The following EXTL1 variants were observed in gnomAD, a reference collection of about 807,000 sequenced individuals.
The protein encoded by EXTL1 is exostosin-like 1.
EXTL1 carries 43 observed loss-of-function variants against 64.6 expected under a neutral mutation model. The ratio of observed to expected loss-of-function variants is 0.67; its 90% CI spans 0.52 to 0.86. EXTL1 has a LOEUF of 0.86. Among genes scored for constraint, EXTL1 ranks in the 40% least tolerant of loss-of-function variants. EXTL1 has a pLI of 0.00. For missense variants in EXTL1, 766 were observed against 879.0 expected (o/e 0.87, Z 1.62); for synonymous variants, 352 against 360.5 (o/e 0.98, Z 0.27).
chr1:26,024,543 C>T (rs1278962196), intron 1 of EXTL1, among the ~76,000 whole-genome samples: 1 of 152,124 alleles, frequency 6.6e-6, no homozygotes, highest in Non-Finnish European at 1.5e-5. Context: ...TGGGATCCTT[C>T]CACTTCCTGA....
In EXTL1 at chr1:26,031,457, C is replaced by T. The variant is rs2050285300; in HGVS notation, c.1235-3C>T. The T allele has an allele frequency of 5.2e-6, 8 of 1,546,990 alleles. No individual in the cohort carries two copies. The highest frequency in any genetic ancestry group is 2.7e-5 in the African/African-American group (2 of 73,360). On this transcript the variant is annotated splice_region_variant and splice_polypyrimidine_tract_variant and intron_variant, in intron 5 of 10. Coordinates refer to ENST00000374280, the MANE Select transcript of EXTL1 (RefSeq NM_004455.3). ...TCTAATAGCCTGTGTCTCATTCCCC[C>T]AGGCTCCCGCCCTGAGGGCAGATTC...
At chr1:26,030,025 G>A (rs2050265178) in intron 3 of EXTL1, among the ~76,000 whole-genome samples, 1 of 152,156 alleles carries the variant, frequency 6.6e-6, no homozygotes. Flanking sequence ...CCAATTTAGG[G>A]GAAGGCTACA....
intron 1 of EXTL1, among the ~76,000 whole-genome samples, chr1:26,026,938 C>A (rs3008208): frequency 0.86 from 130,527 of 152,164 alleles, 56,261 homozygotes; most frequent in Non-Finnish European, 0.89. Context: ...CTACTTATTT[C>A]CCTTTACTGA....
At chr1:26,024,254 AGCCTCTAAAG>A (rs1392446200) in intron 1 of EXTL1, among the ~76,000 whole-genome samples, 2 of 152,164 alleles carry the variant, frequency 1.3e-5, no homozygotes, top group South Asian at 4.1e-4. Context: ...GCAGGCCAGC[AGCCTCTAAAG>A]GCTAGCTGGG....
Position 26,034,717 on chromosome 1 carries a change from G to A in EXTL1, c.1680-119G>A. On this transcript the variant is annotated intron_variant, in intron 9 of 10. Transcript: ENST00000374280. This position sits in a 1 kb window ranked among gnomAD's most constrained non-coding sequence, Gnocchi z 4.6. Reference sequence around the variant, plus strand: ...CCAGGGATGGGAGCTCTCTGAGGCAGCCAGGGCTCAGAGGCTTGGGGATGG... The same window carrying A: ...CCAGGGATGGGAGCTCTCTGAGGCAACCAGGGCTCAGAGGCTTGGGGATGG... The A allele has an allele frequency of 9.9e-7, 1 of 1,012,286 alleles. No individual in the cohort carries two copies. Among genetic ancestry groups the A allele is most frequent in the Non-Finnish European group, 1.5e-6 (1 of 675,424 alleles). 62.7% of individuals were successfully genotyped at this position (1,012,286 alleles called of 1,614,324 possible).
rs1203640626 is a variant in EXTL1 at position 26,022,314 on chromosome 1, C to T, written c.-333C>T. The T allele has an allele frequency of 7.5e-6, 2 of 267,510 alleles. No homozygotes were observed. Among genetic ancestry groups the T allele is most frequent in the South Asian group, 9.3e-5 (1 of 10,806 alleles). 16.6% of individuals were successfully genotyped at this position (267,510 alleles called of 1,614,324 possible). Reference sequence around the variant, plus strand: ...GGCCCTGCATTCTGGACAGGGGTTGCGTCAGCCAGAGCAGTGCCCAGGGGC... The same window carrying T: ...GGCCCTGCATTCTGGACAGGGGTTGTGTCAGCCAGAGCAGTGCCCAGGGGC... On this transcript the variant is annotated 5_prime_UTR_variant, in exon 1 of 11. Transcript: ENST00000374280.
Position 26,031,580 on chromosome 1 carries a change from C to T in EXTL1, c.1341+14C>T, listed in dbSNP as rs780257328. 6.7e-7 allele frequency: 1 copy of T among 1,500,994 alleles called. No individual in the cohort carries two copies. The highest frequency in any genetic ancestry group is 9.0e-7 in the Non-Finnish European group (1 of 1,106,656). The allele number at this position is 1,500,994 out of a possible 1,614,324, so 93.0% of individuals were successfully genotyped here. Reference sequence around the variant, plus strand: ...CACTGTGCCCAGGTCTGCCCCCTTCCCAGCTGGAGTCCTGGGATCCAGGGT... The same window carrying T: ...CACTGTGCCCAGGTCTGCCCCCTTCTCAGCTGGAGTCCTGGGATCCAGGGT... On this transcript the variant is annotated intron_variant, in intron 6 of 10. Coordinates refer to ENST00000374280, the MANE Select transcript of EXTL1 (RefSeq NM_004455.3).
At position 26,035,246 on chromosome 1, in the gene EXTL1, C is replaced by T; in HGVS notation, c.1930C>T (p.His644Tyr). The change falls in exon 11 of 11, where the codon CAC becomes TAC. Residue 644 changes from histidine to tyrosine, a missense_variant. By Grantham distance (83) the His-to-Tyr change is moderately conservative (BLOSUM62 2). Transcript: ENST00000374280. The surrounding 1 kb of genome is among the most constrained non-coding windows in gnomAD (Gnocchi z 5.3). ...CAACCAGATAGCGGCAGCGTTCGGC[C>T]ACATGCCCTTGCTGTCCTCTCGTCT... ...CINQIAAAFG[H>Y]MPLLSSRLRL... The T allele has an allele frequency of 6.2e-7, 1 of 1,613,676 alleles. No individual in the cohort carries two copies. Among genetic ancestry groups the T allele is most frequent in the Non-Finnish European group, 8.5e-7 (1 of 1,179,936 alleles).
Position 26,035,504 on chromosome 1 carries a change from G to T in EXTL1, c.*157G>T. 1 of 602,576 alleles carries T rather than the reference G, an allele frequency of 1.7e-6. No individual in the cohort carries two copies. The highest frequency in any genetic ancestry group is 2.8e-6 in the Non-Finnish European group (1 of 357,200). 37.3% of individuals were successfully genotyped at this position (602,576 alleles called of 1,614,324 possible). On this transcript the variant is annotated 3_prime_UTR_variant, in exon 11 of 11. Transcript: ENST00000374280. This position sits in a 1 kb window ranked among gnomAD's most constrained non-coding sequence, Gnocchi z 5.3. Reference sequence around the variant, plus strand: ...CCGGTTGGCCAATCACAACAGGGGGGCGTGGCCTTACCTTCTCCTGCTCGC... The same window carrying T: ...CCGGTTGGCCAATCACAACAGGGGGTCGTGGCCTTACCTTCTCCTGCTCGC...
Position 26,033,246 on chromosome 1 carries a change from C to G in EXTL1, c.1449C>G (p.Tyr483Ter). 6.2e-7 allele frequency: 1 copy of G among 1,613,688 alleles called. No individual in the cohort carries two copies. The highest frequency in any genetic ancestry group is 8.5e-7 in the Non-Finnish European group (1 of 1,179,632). The stretch of plus-strand genomic sequence containing the variant: ...CCCTGCAGGTTAGTGATCGCTTCTA[C>G]CCATATAGCACCATCAGAACAGATG... ...DGHRKVSDRFYPYSTIRTDAI... is the reference protein window; with the variant it reads ...DGHRKVSDRF Residue 483 changes from tyrosine to a stop codon, truncating the protein, a stop_gained, in exon 8 of 11, where the codon TAC (tyrosine) becomes TAG (stop). Coordinates refer to ENST00000374280, the MANE Select transcript of EXTL1 (RefSeq NM_004455.3). LOFTEE classifies it high-confidence loss of function. This position sits in a 1 kb window ranked among gnomAD's most constrained non-coding sequence, Gnocchi z 5.1.
chr1:26,034,972 T>G lies in EXTL1; in HGVS notation c.1816T>G (p.Tyr606Asp). Reference protein sequence around the residue: ...VTKLPPIKVPYGKQRQEAAPL... With the variant: ...VTKLPPIKVPDGKQRQEAAPL... ...CAAGCTGCCCCCTATCAAGGTGCCC[T>G]ATGGCAAGCAGCGCCAGGAGGCTGC... Residue 606 changes from tyrosine to aspartate, a missense_variant, in exon 10 of 11, where the codon TAT becomes GAT. This residue lies in a region of EXTL1 where 194 missense variants were observed against 214.5 expected (regional missense o/e 0.90). Transcript: ENST00000374280. The surrounding 1 kb of genome is among the most constrained non-coding windows in gnomAD (Gnocchi z 4.6). The G allele has an allele frequency of 6.2e-7, 1 of 1,614,174 alleles. No individual in the cohort carries two copies. Among genetic ancestry groups the G allele is most frequent in the Non-Finnish European group, 8.5e-7 (1 of 1,180,024 alleles).
chr1:26,030,348 TTTG>T, intron 3 of EXTL1, 125 bp from the exon 4 acceptor site: 15 of 652,810 alleles, frequency 2.3e-5, no homozygotes, highest in South Asian at 1.4e-4. Context: ...TTTTTTTTTT[TTTG>T]AGATAGGATC....
At position 26,022,729 on chromosome 1, in the gene EXTL1, C is replaced by T. The variant is rs138085133; in HGVS notation, c.83C>T (p.Ser28Phe). Residue 28 changes from serine (S) to phenylalanine (F), a missense_variant, in exon 1 of 11, where the codon TCC becomes TTC. By Grantham distance (155) the Ser-to-Phe change is radical (BLOSUM62 -2). This residue lies in a region of EXTL1 where 571 missense variants were observed against 647.6 expected (regional missense o/e 0.88). Coordinates refer to ENST00000374280, the MANE Select transcript of EXTL1 (RefSeq NM_004455.3). ...WLLLVLLGGF[S>F]LLRLALPPRP... ...CTGCTTGTCCTGCTGGGAGGCTTCT[C>T]CCTTCTCCGCCTGGCATTGCCTCCC... The T allele has an allele frequency of 6.2e-7, 1 of 1,614,036 alleles. No individual in the cohort carries two copies. Among genetic ancestry groups the T allele is most frequent in the Admixed American group, 1.7e-5 (1 of 60,018 alleles).
At chr1:26,029,070 TAC>T in intron 1 of EXTL1, 121 bp from the exon 2 acceptor site, 1 of 644,304 alleles carries the variant, frequency 1.6e-6, no homozygotes, top group Non-Finnish European at 2.8e-6. Context: ...TGAGTGGGTT[TAC>T]ACATTTGGGA....
chr1:26,029,719 C>T lies in EXTL1; in HGVS notation c.981+12C>T, dbSNP rs1219071473. ...GGCTCCCACTTCAGGTAGCTCAGAGCCCTGCCCACAGGGTGGGAACTGGAC... is the reference window on the plus strand; with the variant it reads ...GGCTCCCACTTCAGGTAGCTCAGAGTCCTGCCCACAGGGTGGGAACTGGAC... On this transcript the variant is annotated intron_variant, in intron 3 of 10. Transcript: ENST00000374280. The T allele has an allele frequency of 1.4e-5, 22 of 1,575,406 alleles. No individual in the cohort carries two copies. The highest frequency in any genetic ancestry group is 1.8e-5 in the Non-Finnish European group (21 of 1,147,728).
At position 26,030,415 on chromosome 1, in the gene EXTL1, G is replaced by A. The variant is rs140771703; in HGVS notation, c.982-61G>A. ...TGGCACGAATATGGCTCACTGCAGC[G>A]TCGACCTCCTGGGCTCAAAATTGCT... On this transcript the variant is annotated intron_variant, in intron 3 of 10. Coordinates refer to ENST00000374280, the MANE Select transcript of EXTL1 (RefSeq NM_004455.3). The A allele has an allele frequency of 2.4e-4, 366 of 1,541,996 alleles. 9 individuals carry two copies. The East Asian group carries it at 8.0e-3, about 34-fold the overall frequency.
chr1:26,031,662 A>AT (rs1421000921), intron 6 of EXTL1, 96 bp downstream of exon 6: 2 of 604,758 alleles, frequency 3.3e-6, no homozygotes, highest in African/African-American at 3.8e-5. Flanking sequence ...GATGACCACT[A>AT]TTTGAGGGGA....
In EXTL1 at chr1:26,033,881, G is replaced by A. The variant is rs1171909037; in HGVS notation, c.1679+25G>A. On this transcript the variant is annotated intron_variant, in intron 9 of 10. Coordinates refer to ENST00000374280, the MANE Select transcript of EXTL1 (RefSeq NM_004455.3). The surrounding 1 kb of genome is among the most constrained non-coding windows in gnomAD (Gnocchi z 5.1). ...GGTACAGACCCCTACCCTGCACAGG[G>A]ATCAGAGTATCAGAGGACCAGAGAC... 1.9e-6 allele frequency: 3 copies of A among 1,594,868 alleles called. No individual in the cohort carries two copies. Among genetic ancestry groups the A allele is most frequent in the Non-Finnish European group, 2.6e-6 (3 of 1,168,850 alleles).
Position 26,035,031 on chromosome 1 carries a change from A to T in EXTL1, c.1848+27A>T, listed in dbSNP as rs201139609. 5.6e-6 allele frequency: 9 copies of T among 1,612,208 alleles called. No homozygotes were observed. In the East Asian group the frequency reaches 2.0e-4, roughly 36 times the overall value. ...TGAGGGCTGAGGGGGATTGGTCGGA[A>T]CTGGCAGGGATTGGGCGGGGATGCC... On this transcript the variant is annotated intron_variant, in intron 10 of 10. Transcript: ENST00000374280. The surrounding 1 kb of genome is among the most constrained non-coding windows in gnomAD (Gnocchi z 5.3).
Sources: gnomAD v4.1 joint callset for allele counts (sites outside exome capture counted in the v4.1 genomes callset) on GRCh38, gnomAD v4.1.1 for gene constraint, gnomAD v4.1.1 regional missense constraint, Gnocchi (gnomAD v3.1) non-coding constraint, MANE v1.5 for transcripts, NCBI Gene and HGNC (gene_info 2026-07-23, HGNC 2026-07-21) for gene names.